Variants in LRRC4C observed in about 807,000 individuals in gnomAD.
LRRC4C encodes the protein leucine rich repeat containing 4C.
In LRRC4C, 5 loss-of-function variants were observed where a neutral mutation model predicts 33.6. The observed-to-expected ratio is 0.15, with a 90% CI of 0.08 to 0.31. The LOEUF is 0.31. Ranked by LOEUF, LRRC4C falls within the 10% of genes least tolerant of loss-of-function variation. The probability of loss-of-function intolerance (pLI) is 1.00; values close to 1 mark genes in which losing one functional copy is unlikely to be tolerated. For missense variants in LRRC4C, 560 were observed against 796.7 expected (o/e 0.70, Z 3.58); for synonymous variants, 329 against 302.0 (o/e 1.09, Z -0.93).
chr11:40,966,409 T>A (rs904108931), intron 1 of LRRC4C, among the ~76,000 whole-genome samples: 1 of 151,914 alleles, frequency 6.6e-6, no homozygotes, highest in African/African-American at 2.4e-5. Context: ...TTTTTACATA[T>A]GGGGCTAAGT....
At chr11:41,331,465 A>G (rs1336995936) in intron 1 of LRRC4C, among the ~76,000 whole-genome samples, 1 of 152,220 alleles carries the variant, frequency 6.6e-6, no homozygotes, top group East Asian at 1.9e-4. Flanking sequence ...GATAAATGGA[A>G]AATCACGCCA....
chr11:41,227,816 GT>G (rs1379834682), intron 1 of LRRC4C, among the ~76,000 whole-genome samples: 11 of 152,012 alleles, frequency 7.2e-5, no homozygotes. Flanking sequence ...ACATTCCAAA[GT>G]TTTTCTACTA....
At chr11:40,627,460 C>A (rs1000773633) in intron 3 of LRRC4C, among the ~76,000 whole-genome samples, 1 of 152,026 alleles carries the variant, frequency 6.6e-6, no homozygotes, top group Non-Finnish European at 1.5e-5. Context: ...AGAAAGTGAG[C>A]CTTAAGTAAG....
In LRRC4C at chr11:41,171,684, G is replaced by A. The variant is rs1421698735; in HGVS notation, c.-495-237961C>T. On this transcript the variant is annotated intron_variant, in intron 1 of 6. Coordinates refer to ENST00000528697, the MANE Select transcript of LRRC4C (RefSeq NM_001258419.2). Reference sequence around the variant, plus strand: ...TAATAATAATAAAATTTTAAAAAAAGATAAACTAGATATTTTTATTTGCAT... The same window carrying A: ...TAATAATAATAAAATTTTAAAAAAAAATAAACTAGATATTTTTATTTGCAT... 5.3e-5 allele frequency among the ~76,000 whole-genome samples: 8 copies of A among 151,912 alleles called. No homozygotes were observed. The South Asian group carries it at 1.5e-3, about 28-fold the overall frequency.
chr11:40,444,587 T>A (rs945693786), intron 3 of LRRC4C, among the ~76,000 whole-genome samples: 1 of 152,110 alleles, frequency 6.6e-6, no homozygotes, highest in East Asian at 1.9e-4. Flanking sequence ...TACAATCTTT[T>A]ATTTGCCTAA....
At chr11:41,383,786 C>A (rs906791615) in intron 1 of LRRC4C, among the ~76,000 whole-genome samples, 2 of 151,392 alleles carry the variant, frequency 1.3e-5, no homozygotes, top group African/African-American at 2.4e-5. Context: ...CTCAGTGACC[C>A]AGATAAAAGA....
intron 5 of LRRC4C, among the ~76,000 whole-genome samples, chr11:40,173,950 G>A (rs759359136): frequency 1.3e-5 from 2 of 152,168 alleles, no homozygotes; most frequent in Non-Finnish European, 2.9e-5. Context: ...TGGAGGCAGA[G>A]ACCCCTAAAG....
intron 2 of LRRC4C, among the ~76,000 whole-genome samples, chr11:40,848,536 C>T (rs1034518149): frequency 1.3e-5 from 2 of 152,044 alleles, no homozygotes; most frequent in Non-Finnish European, 2.9e-5. Context: ...CATTCTTTTG[C>T]ATTTGCTGAG....
intron 3 of LRRC4C, among the ~76,000 whole-genome samples, chr11:40,612,548 CCAT>C: frequency 6.6e-6 from 1 of 151,850 alleles, no homozygotes; most frequent in Non-Finnish European, 1.5e-5. Context: ...TATGTTTTTA[CCAT>C]CATTTCAAAA....
intron 1 of LRRC4C, among the ~76,000 whole-genome samples, chr11:41,239,234 A>G (rs960702679): frequency 2.8e-5 from 4 of 142,110 alleles, no homozygotes; most frequent in African/African-American, 1.0e-4. Flanking sequence ...AGGCAGGAGA[A>G]TGGCATGAAC....
chr11:40,242,976 T>C (rs1866037287), intron 4 of LRRC4C, among the ~76,000 whole-genome samples: 2 of 152,218 alleles, frequency 1.3e-5, no homozygotes, highest in African/African-American at 4.8e-5. Context: ...AAAATATTCT[T>C]TGAAGCTCCT....
intron 4 of LRRC4C, among the ~76,000 whole-genome samples, chr11:40,270,059 TACTGGGGG>T (rs1565210632): frequency 6.6e-6 from 1 of 152,102 alleles, no homozygotes; most frequent in Non-Finnish European, 1.5e-5. Context: ...ACGCCTCCCA[TACTGGGGG>T]ACTGCCAAGC....
chr11:40,607,129 GGCGAAATAC>G (rs1182943976), intron 3 of LRRC4C, among the ~76,000 whole-genome samples: 2 of 152,078 alleles, frequency 1.3e-5, no homozygotes, highest in Non-Finnish European at 2.9e-5. Context: ...CAAAAATGAA[GGCGAAATAC>G]GATTTTCCCA....
intron 4 of LRRC4C, among the ~76,000 whole-genome samples, chr11:40,294,781 T>C (rs1423769335): frequency 2.0e-5 from 3 of 151,934 alleles, no homozygotes; most frequent in Non-Finnish European, 4.4e-5. Context: ...GAGCCGAGAT[T>C]GGGCCATTGC....
At chr11:40,679,639 G>A (rs1591446168) in intron 2 of LRRC4C, among the ~76,000 whole-genome samples, 1 of 152,302 alleles carries the variant, frequency 6.6e-6, no homozygotes. Context: ...GAAGGTGGAA[G>A]CCCCAAGCCT....
intron 2 of LRRC4C, among the ~76,000 whole-genome samples, chr11:40,856,996 A>C (rs1049469060): frequency 7.9e-5 from 12 of 152,200 alleles, no homozygotes; most frequent in African/African-American, 2.9e-4. Flanking sequence ...CTAAACATTC[A>C]AATCAAACTG....
At chr11:41,228,276 T>TAG (rs199836526) in intron 1 of LRRC4C, among the ~76,000 whole-genome samples, 5 of 151,436 alleles carry the variant, frequency 3.3e-5, no homozygotes, top group Admixed American at 6.6e-5. Context: ...AGATCAATGA[T>TAG]AGAGAGAGAG....
intron 1 of LRRC4C, among the ~76,000 whole-genome samples, chr11:41,260,959 T>C (rs1948963545): frequency 6.6e-6 from 1 of 152,114 alleles, no homozygotes; most frequent in Non-Finnish European, 1.5e-5. Flanking sequence ...AGGCAGTATA[T>C]TGGGTATTTA....
At chr11:40,554,198 T>A (rs1170165933) in intron 3 of LRRC4C, among the ~76,000 whole-genome samples, 1 of 152,176 alleles carries the variant, frequency 6.6e-6, no homozygotes, top group African/African-American at 2.4e-5. Flanking sequence ...GAATAGAAGG[T>A]CCTTTCACCA....
Sources: allele counts gnomAD v4.1 joint callset (sites outside exome capture counted in the v4.1 genomes callset), GRCh38; gene constraint gnomAD v4.1.1; transcripts MANE v1.5; gene names NCBI Gene and HGNC (gene_info 2026-07-23, HGNC 2026-07-21).